MTSS1: variants seen among roughly 807,000 people sequenced by gnomAD.
The protein encoded by MTSS1 is MTSS I-BAR domain containing 1.
MTSS1 carries 18 observed loss-of-function variants against 79.0 expected under a neutral mutation model. That is an observed-to-expected ratio of 0.23 (90% CI 0.16 to 0.34). The LOEUF (loss-of-function observed/expected upper bound fraction) is 0.34, where lower values mean the gene tolerates loss of function less well. MTSS1 is among the 10% of genes least tolerant of loss of function. The pLI is 1.00. For missense variants in MTSS1, 815 were observed against 986.2 expected (o/e 0.83, Z 2.33); for synonymous variants, 341 against 368.6 (o/e 0.93, Z 0.86).
intron 3 of MTSS1, among the ~76,000 whole-genome samples, chr8:124,643,245 A>G (rs1020859059): frequency 1.3e-5 from 2 of 152,162 alleles, no homozygotes; most frequent in African/African-American, 4.8e-5. Flanking sequence ...AGATATGCAA[A>G]AAGATGCACA....
intron 3 of MTSS1, among the ~76,000 whole-genome samples, chr8:124,602,725 T>TG (rs959704172): frequency 6.6e-6 from 1 of 152,158 alleles, no homozygotes; most frequent in Non-Finnish European, 1.5e-5. Context: ...TACATCAGCC[T>TG]GGGGGTCTAT....
At chr8:124,590,836 G>T (rs528933198) in intron 4 of MTSS1, among the ~76,000 whole-genome samples, 1 of 152,276 alleles carries the variant, frequency 6.6e-6, no homozygotes, top group African/African-American at 2.4e-5. Context: ...TTCTTGCGAG[G>T]CTCCCGCAGG....
At chr8:124,599,567 TG>T (rs1429032091) in intron 3 of MTSS1, among the ~76,000 whole-genome samples, 1 of 151,824 alleles carries the variant, frequency 6.6e-6, no homozygotes, top group African/African-American at 2.4e-5. Flanking sequence ...CTTTGGTTCC[TG>T]GGCACATAAC....
At chr8:124,605,989 CAG>C (rs369854090) in intron 3 of MTSS1, among the ~76,000 whole-genome samples, 2,713 of 115,040 alleles carry the variant, frequency 0.024, 105 homozygotes, top group African/African-American at 0.087. Flanking sequence ...TTTTTTGAGA[CAG>C]AGTCTCACTC....
intron 5 of MTSS1, among the ~76,000 whole-genome samples, chr8:124,587,612 T>A (rs544645609): frequency 1.3e-5 from 2 of 152,186 alleles, no homozygotes. Flanking sequence ...GATTCTTGTG[T>A]CTCAGCCTCC....
intron 3 of MTSS1, among the ~76,000 whole-genome samples, chr8:124,601,945 T>A (rs925231383): frequency 1.3e-5 from 2 of 152,004 alleles, no homozygotes; most frequent in African/African-American, 4.8e-5. Flanking sequence ...CCAAATGGCA[T>A]CAGAGTGTGA....
At chr8:124,622,256 TA>T (rs1468144963) in intron 3 of MTSS1, among the ~76,000 whole-genome samples, 1 of 151,888 alleles carries the variant, frequency 6.6e-6, no homozygotes, top group African/African-American at 2.4e-5. Context: ...ATAGGTGGAA[TA>T]TATTTTTTTA....
chr8:124,647,385 C>T (rs549548234), intron 3 of MTSS1, among the ~76,000 whole-genome samples: 1 of 152,216 alleles, frequency 6.6e-6, no homozygotes, highest in African/African-American at 2.4e-5. Flanking sequence ...TATGTGTTAA[C>T]AGTATACATG....
At chr8:124,558,641 G>C in intron 10 of MTSS1, 1 of 1,450,218 alleles carries the variant, frequency 6.9e-7, no homozygotes, top group African/African-American at 1.4e-5. Context: ...CCGCGGCTGT[G>C]AGGGCTGTCT....
intron 3 of MTSS1, among the ~76,000 whole-genome samples, chr8:124,598,518 G>A (rs551904830): frequency 2.0e-5 from 3 of 152,192 alleles, no homozygotes; most frequent in African/African-American, 7.2e-5. Flanking sequence ...CTGTTCCAGG[G>A]AAGCCACCTG....
At chr8:124,587,015 G>T (rs1830974402) in intron 5 of MTSS1, among the ~76,000 whole-genome samples, 1 of 152,194 alleles carries the variant, frequency 6.6e-6, no homozygotes, top group African/African-American at 2.4e-5. Flanking sequence ...TCTCAGCTTT[G>T]CTGTACCAGC....
In MTSS1 at chr8:124,652,813, AC is replaced by A. The variant is rs372582346; in HGVS notation, c.208+46712del. ...CCGTCTCAAAAAAAAAAAAAAAAAA[AC>A]ACAGCCATCAAGAGCAACTCTAAAG... On this transcript the variant is annotated intron_variant, in intron 3 of 13. Transcript: ENST00000518547. 2.9e-3 allele frequency among the ~76,000 whole-genome samples: 420 copies of A among 145,850 alleles called. 9 individuals carry two copies. Among genetic ancestry groups the A allele is most frequent in the African/African-American group, 9.9e-3 (355 of 35,746 alleles).
chr8:124,592,341 G>A (rs982035750), intron 3 of MTSS1, among the ~76,000 whole-genome samples: 2 of 152,198 alleles, frequency 1.3e-5, no homozygotes, highest in Admixed American at 6.5e-5. Context: ...CTGAACACTG[G>A]AGGGCACAAT....
chr8:124,559,374 G>T (rs765911363), intron 10 of MTSS1, among the ~76,000 whole-genome samples: 3 of 152,174 alleles, frequency 2.0e-5, no homozygotes, highest in South Asian at 2.1e-4. Context: ...GCAGCCTGTG[G>T]ATCCATGAGG....
chr8:124,608,930 C>T (rs1302424376), intron 3 of MTSS1, among the ~76,000 whole-genome samples: 1 of 152,194 alleles, frequency 6.6e-6, no homozygotes, highest in East Asian at 1.9e-4. Flanking sequence ...TCAGTATACA[C>T]AAGGATCACC....
chr8:124,632,717 G>T (rs1816228961), intron 3 of MTSS1, among the ~76,000 whole-genome samples: 1 of 152,092 alleles, frequency 6.6e-6, no homozygotes, highest in Non-Finnish European at 1.5e-5. Flanking sequence ...GCCCAGGCTG[G>T]AGTGCAGTTG....
chr8:124,717,881 G>A (rs535375014), intron 1 of MTSS1, among the ~76,000 whole-genome samples: 2 of 152,256 alleles, frequency 1.3e-5, no homozygotes, highest in East Asian at 3.9e-4. Context: ...CACTGCTAGA[G>A]CCCAGCACTT....
intron 3 of MTSS1, among the ~76,000 whole-genome samples, chr8:124,592,029 A>G (rs984494803): frequency 2.0e-5 from 3 of 151,896 alleles, no homozygotes; most frequent in African/African-American, 7.3e-5. Flanking sequence ...CAGGTGATCC[A>G]CCCACCTCAG....
intron 3 of MTSS1, among the ~76,000 whole-genome samples, chr8:124,647,412 GTA>G (rs1323167424): frequency 2.0e-5 from 3 of 152,106 alleles, no homozygotes; most frequent in African/African-American, 7.2e-5. Context: ...TTTGATGAAT[GTA>G]TATGTTGTAA....
Sources: gnomAD v4.1 joint callset for allele counts (sites outside exome capture counted in the v4.1 genomes callset) on GRCh38, gnomAD v4.1.1 for gene constraint, MANE v1.5 for transcripts, NCBI Gene and HGNC (gene_info 2026-07-23, HGNC 2026-07-21) for gene names.